The following PGR variants were observed in gnomAD, a reference collection of about 807,000 sequenced individuals.
The protein encoded by PGR is nuclear receptor subfamily 3 group C member 3.
PGR carries 25 observed loss-of-function variants against 76.1 expected under a neutral mutation model. The ratio of observed to expected loss-of-function variants is 0.33; its 90% CI spans 0.24 to 0.46. The LOEUF (loss-of-function observed/expected upper bound fraction) is 0.46. Ranked by LOEUF, PGR falls within the 20% of genes least tolerant of loss-of-function variation. The pLI, the probability that PGR is intolerant of heterozygous loss-of-function variation, is 1.00. For synonymous variants in PGR, 579 were observed against 535.0 expected (o/e 1.08, Z -1.14); for missense variants, 1,172 against 1,225.3 (o/e 0.96, Z 0.65).
At chr11:101,049,840 A>G in intron 6 of PGR, 89 bp downstream of exon 6, 1 of 1,027,916 alleles carries the variant, frequency 9.7e-7, no homozygotes. Context: ...CGTCTACCTC[A>G]TACATAACTA....
At position 101,032,084 on chromosome 11, in the gene PGR, T is replaced by A; in HGVS notation, c.*7032A>T. On this transcript the variant is annotated 3_prime_UTR_variant, in exon 8 of 8. Coordinates refer to ENST00000325455, the MANE Select transcript of PGR (RefSeq NM_000926.4). ...TAGTTTTTGGTTTCCTGATGAAAAA[T>A]TTGTAATTTCAACACATAAGCAAAA... The A allele has an allele frequency of 4.3e-6, 1 of 232,816 alleles. No individual in the cohort carries two copies. The highest frequency in any genetic ancestry group is 2.2e-5 in the African/African-American group (1 of 45,404). 14.4% of individuals were successfully genotyped at this position (232,816 alleles called of 1,614,324 possible).
intron 3 of PGR, among the ~76,000 whole-genome samples, chr11:101,066,515 C>G (rs1266022702): frequency 6.6e-6 from 1 of 152,150 alleles, no homozygotes; most frequent in African/African-American, 2.4e-5. Context: ...CTAATATCAT[C>G]TAGACATTAA....
intron 2 of PGR, among the ~76,000 whole-genome samples, chr11:101,107,881 G>GAAAAAA (rs774077385): frequency 7.5e-6 from 1 of 132,608 alleles, no homozygotes; most frequent in South Asian, 2.3e-4. Context: ...AAAAAAAAAA[G>GAAAAAA]AAAGAAAAAG....
chr11:101,085,386 A>G (rs1354456792), intron 3 of PGR, among the ~76,000 whole-genome samples: 1 of 151,954 alleles, frequency 6.6e-6, no homozygotes, highest in African/African-American at 2.4e-5. Flanking sequence ...ATTAAAATAA[A>G]TGAAAACAGA....
At chr11:101,055,216 C>T (rs771654793) in intron 4 of PGR, among the ~76,000 whole-genome samples, 5 of 151,700 alleles carry the variant, frequency 3.3e-5, no homozygotes, top group Non-Finnish European at 5.9e-5. Flanking sequence ...AGATTGAGAC[C>T]ATCTTGGCCA....
rs368673550 is a variant in PGR at position 101,056,866 on chromosome 11, C to T, written c.2213-5298G>A. 7.2e-5 allele frequency among the ~76,000 whole-genome samples: 11 copies of T among 152,230 alleles called. 1 individual carries two copies. In the South Asian group the frequency reaches 1.9e-3, roughly 26 times the overall value. On this transcript the variant is annotated intron_variant, in intron 4 of 7. Coordinates refer to ENST00000325455, the MANE Select transcript of PGR (RefSeq NM_000926.4). ...ATCAATGTTGAGAAGCACAAAGAAG[C>T]TTCAATATGATTAAGTATAATCACC... is the stretch of plus-strand genomic sequence containing the variant.
At position 101,034,170 on chromosome 11, in the gene PGR, A is replaced by G. The variant is rs557868520; in HGVS notation, c.*4946T>C. The G allele has an allele frequency of 1.1e-4, 24 of 226,090 alleles. No individual in the cohort carries two copies. The highest frequency in any genetic ancestry group is 1.7e-4 in the Non-Finnish European group (19 of 113,604). 14.0% of individuals were successfully genotyped at this position (226,090 alleles called of 1,614,324 possible). ...AAAATAATGCCTCTCCCATGTCTCC[A>G]TGAGTGGAAAAAAAGCAAACAAACC... On this transcript the variant is annotated 3_prime_UTR_variant, in exon 8 of 8. Transcript: ENST00000325455.
In PGR at chr11:101,037,046, G is replaced by A. The variant is rs1024210596; in HGVS notation, c.*2070C>T. On this transcript the variant is annotated 3_prime_UTR_variant, in exon 8 of 8. Transcript: ENST00000325455. Reference sequence around the variant, plus strand: ...CATTCTGAGAGGTGTCACTCTCACAGAGGTAGATTTCCTGTAACTATTATA... The same window carrying A: ...CATTCTGAGAGGTGTCACTCTCACAAAGGTAGATTTCCTGTAACTATTATA... The A allele has an allele frequency of 2.1e-5, 4 of 192,826 alleles. No individual in the cohort carries two copies. The highest frequency in any genetic ancestry group is 3.3e-5 in the Non-Finnish European group (3 of 92,254). The allele number at this position is 192,826 out of a possible 1,614,324, so 11.9% of individuals were successfully genotyped here.
chr11:101,069,877 AT>A (rs1860859001), intron 3 of PGR, among the ~76,000 whole-genome samples: 2 of 152,064 alleles, frequency 1.3e-5, no homozygotes, highest in African/African-American at 2.4e-5. Flanking sequence ...TAGGGGAGGG[AT>A]AGCACTAGTA....
At chr11:101,123,193 T>C (rs189218972) in intron 2 of PGR, among the ~76,000 whole-genome samples, 1 of 152,298 alleles carries the variant, frequency 6.6e-6, no homozygotes, top group Non-Finnish European at 1.5e-5. Context: ...ATACCAACAT[T>C]ATAACAACTA....
intron 3 of PGR, among the ~76,000 whole-genome samples, chr11:101,071,965 G>A (rs1860951686): frequency 6.6e-6 from 1 of 152,074 alleles, no homozygotes; most frequent in South Asian, 2.1e-4. Context: ...TCAAATTCAG[G>A]AAATACAGAG....
chr11:101,105,123 A>C (rs1245811141), intron 2 of PGR, among the ~76,000 whole-genome samples: 7 of 152,238 alleles, frequency 4.6e-5, no homozygotes, highest in African/African-American at 1.7e-4. Flanking sequence ...GGAGAAGAGT[A>C]GTAGATAGTA....
At chr11:101,062,839 C>T in intron 3 of PGR, 87 bp from the exon 4 acceptor site, 1 of 863,442 alleles carries the variant, frequency 1.2e-6, no homozygotes, top group Non-Finnish European at 1.8e-6. Flanking sequence ...GTCTTAGAAT[C>T]ATAGCATTAT....
intron 3 of PGR, among the ~76,000 whole-genome samples, chr11:101,079,745 T>C (rs1420198583): frequency 1.3e-5 from 2 of 152,202 alleles, no homozygotes; most frequent in Non-Finnish European, 2.9e-5. Flanking sequence ...GATGCAGCAA[T>C]CCTACTGTTG....
At chr11:101,076,185 G>C (rs1285351219) in intron 3 of PGR, among the ~76,000 whole-genome samples, 2 of 152,012 alleles carry the variant, frequency 1.3e-5, no homozygotes, top group East Asian at 3.9e-4. Context: ...GGATGAAGCT[G>C]GAAACCATCA....
chr11:101,060,723 T>C lies in PGR; in HGVS notation c.2212+1724A>G, dbSNP rs531139852. On this transcript the variant is annotated intron_variant, in intron 4 of 7. Coordinates refer to ENST00000325455, the MANE Select transcript of PGR (RefSeq NM_000926.4). ...CCACAAGAGACTTTGATAATCTCAA[T>C]GTTTCCCTGTTTGCAATTAATGGAA... 1.1e-4 allele frequency among the ~76,000 whole-genome samples: 17 copies of C among 152,290 alleles called. No homozygotes were observed. The East Asian group carries it at 3.3e-3, about 29-fold the overall frequency.
chr11:101,048,911 CTCTT>C (rs923180026), intron 6 of PGR, among the ~76,000 whole-genome samples: 2 of 151,676 alleles, frequency 1.3e-5, no homozygotes, highest in Admixed American at 6.6e-5. Context: ...AGGTACAGTT[CTCTT>C]TCTTTCTTTT....
chr11:101,128,814 G>A lies in PGR; in HGVS notation c.257C>T (p.Ala86Val). 1 of 1,614,176 alleles carries A rather than the reference G, an allele frequency of 6.2e-7. No individual in the cohort carries two copies. Among genetic ancestry groups the A allele is most frequent in the South Asian group, 1.1e-5 (1 of 91,092 alleles). ...DQQSLSDVEG[A>V]YSRAEATRGA... ...CCTTGTAGCTTCAGCTCTGGAATAT[G>A]CGCCCTCCACGTCCGACAGCGACTG... The change falls in exon 1 of 8, where the codon GCA becomes GTA. Residue 86 changes from alanine to valine, a missense_variant. By Grantham distance (64) the Ala-to-Val change is moderately conservative. Around this residue, in one of 4 missense-constraint regions of PGR, gnomAD observed 893 missense variants for 785.9 expected, o/e 1.14. Coordinates refer to ENST00000325455, the MANE Select transcript of PGR (RefSeq NM_000926.4).
In PGR at chr11:101,035,371, C is replaced by T. The variant is rs150380737; in HGVS notation, c.*3745G>A. On this transcript the variant is annotated 3_prime_UTR_variant, in exon 8 of 8. Transcript: ENST00000325455. ...GGATAAGTATGGATGAGAGAAACTG[C>T]TCAGGTATTCACAGCAAAAACTAAA... 149 of 231,008 alleles carry T rather than the reference C, an allele frequency of 6.4e-4. No homozygotes were observed. The highest frequency in any genetic ancestry group is 2.2e-3 in the African/African-American group (100 of 45,326). 14.3% of individuals were successfully genotyped at this position (231,008 alleles called of 1,614,324 possible). A position where few individuals can be genotyped will look rare whatever the true frequency, so the allele number is the denominator to read the frequency against.
Sources: allele counts gnomAD v4.1 joint callset (sites outside exome capture counted in the v4.1 genomes callset), GRCh38; gene constraint gnomAD v4.1.1; regional missense constraint gnomAD v4.1.1; transcripts MANE v1.5; gene names NCBI Gene and HGNC (gene_info 2026-07-23, HGNC 2026-07-21).